The following TNS4 variants were observed in gnomAD, a reference collection of about 807,000 sequenced individuals.
The protein encoded by TNS4 is tensin-4.
TNS4 carries 46 observed loss-of-function variants against 70.4 expected under a neutral mutation model. The ratio of observed to expected loss-of-function variants is 0.65; its 90% CI spans 0.52 to 0.84. The LOEUF (loss-of-function observed/expected upper bound fraction) is 0.84. Ranked by LOEUF, TNS4 falls within the 40% of genes least tolerant of loss-of-function variation. TNS4 has a pLI of 0.00. For missense variants in TNS4, 863 were observed against 907.0 expected (o/e 0.95, Z 0.62); for synonymous variants, 390 against 366.6 (o/e 1.06, Z -0.73).
In TNS4 at chr17:40,482,433, G is replaced by A. The variant is rs373001993; in HGVS notation, c.1502-17C>T. On this transcript the variant is annotated splice_polypyrimidine_tract_variant and intron_variant, in intron 6 of 12. Coordinates refer to ENST00000254051, the MANE Select transcript of TNS4 (RefSeq NM_032865.6). ...TGTCCTCACCTGGACAGAGAAGAAA[G>A]AGTGCATTCGGATAGAATTCCACCT... 413 of 1,612,914 alleles carry A rather than the reference G, an allele frequency of 2.6e-4. No individual in the cohort carries two copies. Among genetic ancestry groups the A allele is most frequent in the Non-Finnish European group, 3.2e-4 (380 of 1,179,598 alleles).
intron 1 of TNS4, among the ~76,000 whole-genome samples, chr17:40,496,890 G>A (rs1167738058): frequency 2.6e-5 from 4 of 152,192 alleles, no homozygotes; most frequent in African/African-American, 7.2e-5. Flanking sequence ...CGTTTGCTGA[G>A]TAATTATTAT....
At chr17:40,496,588 AC>A in intron 1 of TNS4, 68 bp from the exon 2 acceptor site, 1 of 710,552 alleles carries the variant, frequency 1.4e-6, no homozygotes. Flanking sequence ...CACCCTCCGT[AC>A]AAAGGCTAAG....
At chr17:40,478,025 C>T (rs914294012) in intron 12 of TNS4, 1 of 600,228 alleles carries the variant, frequency 1.7e-6, no homozygotes, top group Non-Finnish European at 2.9e-6. Context: ...GGCAAGGATG[C>T]ATCTTGATCA....
At position 40,477,892 on chromosome 17, in the gene TNS4, G is replaced by A. The variant is rs894324839; in HGVS notation, c.2007-163C>T. ...CTTATGGTGGGGCTCCCTGGGGAAG[G>A]AGATGCCTCTCCCGTCAGACTGGGA... On this transcript the variant is annotated intron_variant, in intron 12 of 12. Transcript: ENST00000254051. The A allele has an allele frequency of 7.6e-6, 5 of 653,752 alleles. No individual in the cohort carries two copies. The African/African-American group carries it at 9.1e-5, about 12-fold the overall frequency. The allele number at this position is 653,752 out of a possible 1,614,324, so 40.5% of individuals were successfully genotyped here. A position where few individuals can be genotyped will look rare whatever the true frequency, so the allele number is the denominator to read the frequency against.
chr17:40,481,686 A>G (rs1348565117), intron 8 of TNS4, among the ~76,000 whole-genome samples: 5 of 152,234 alleles, frequency 3.3e-5, no homozygotes, highest in Non-Finnish European at 7.3e-5. Context: ...TATCTGTGAA[A>G]TGGGGATGAT....
chr17:40,492,244 C>T (rs1032673263), intron 2 of TNS4, among the ~76,000 whole-genome samples: 16 of 152,236 alleles, frequency 1.1e-4, no homozygotes, highest in African/African-American at 3.9e-4. Flanking sequence ...GAGGCCTGAC[C>T]TATCTCTCCC....
intron 9 of TNS4, 70 bp from the exon 10 acceptor site, chr17:40,479,912 G>T: frequency 6.7e-7 from 1 of 1,495,070 alleles, no homozygotes. Flanking sequence ...CCAGGGCCAG[G>T]GGAGGGGGTG....
At position 40,478,292 on chromosome 17, in the gene TNS4, A is replaced by G; in HGVS notation, c.2006+15T>C. The G allele has an allele frequency of 6.2e-7, 1 of 1,613,536 alleles. No individual in the cohort carries two copies. The highest frequency in any genetic ancestry group is 8.5e-7 in the Non-Finnish European group (1 of 1,179,818). On this transcript the variant is annotated intron_variant, in intron 12 of 12. Coordinates refer to ENST00000254051, the MANE Select transcript of TNS4 (RefSeq NM_032865.6). ...CCCATGTTGGGTTTGGGGCCCTGAG[A>G]CAGGAAGGCCTTACCAGGAGGGTTT... is the stretch of plus-strand genomic sequence containing the variant.
Position 40,496,006 on chromosome 17 carries a change from C to T in TNS4, c.420G>A (p.Lys140=). 3 of 1,611,530 alleles carry T rather than the reference C, an allele frequency of 1.9e-6. No homozygotes were observed. The highest frequency in any genetic ancestry group is 2.5e-6 in the Non-Finnish European group (3 of 1,179,128). Residue 140 remains lysine (K), a synonymous_variant, in exon 2 of 13, where the codon AAG becomes AAA. Coordinates refer to ENST00000254051, the MANE Select transcript of TNS4 (RefSeq NM_032865.6). ...LAQSTMSMRK[K]EESEALDIKY... is the part of the protein sequence containing the mutation. Reference sequence around the variant, plus strand: ...CCTTACCCAAGGCTTCAGATTCCTCCTTCTTTCTCATTGACATGGTGCTCT... The same window carrying T: ...CCTTACCCAAGGCTTCAGATTCCTCTTTCTTTCTCATTGACATGGTGCTCT...
In TNS4 at chr17:40,479,680, T is replaced by C. The variant is rs752649172; in HGVS notation, c.1904A>G (p.Gln635Arg). 3 of 1,613,336 alleles carry C rather than the reference T, an allele frequency of 1.9e-6. No homozygotes were observed. The African/African-American group carries it at 4.0e-5, about 22-fold the overall frequency. ...TEQGITLTDV[Q>R]RKVFFRRHYP... The stretch of plus-strand genomic sequence containing the variant: ...GGCAAGGGAAGGCCCTTACTTCCTC[T>C]GGACATCAGTCAGAGTGATGCCCTG... Residue 635 changes from glutamine to arginine, a missense_variant, in exon 10 of 13, where the codon CAG (glutamine) becomes CGG (arginine). Coordinates refer to ENST00000254051, the MANE Select transcript of TNS4 (RefSeq NM_032865.6).
At position 40,488,736 on chromosome 17, in the gene TNS4, G is replaced by T. The variant is rs769707974; in HGVS notation, c.673C>A (p.Pro225Thr). ...LPPSEGLSPRPPNSPSISIPC... is the reference protein window; with the variant it reads ...LPPSEGLSPRTPNSPSISIPC... Reference sequence around the variant, plus strand: ...ATTGAGATGCTGGGGGAATTTGGGGGTCGAGGGGAGAGACCCTCTGAGGGG... The same window carrying T: ...ATTGAGATGCTGGGGGAATTTGGGGTTCGAGGGGAGAGACCCTCTGAGGGG... The change falls in exon 3 of 13, where the codon CCC (proline) becomes ACC (threonine). Residue 225 changes from proline (P) to threonine (T), a missense_variant. Physicochemically the swap from Pro to Thr is conservative, Grantham distance 38 (BLOSUM62 -1). Coordinates refer to ENST00000254051, the MANE Select transcript of TNS4 (RefSeq NM_032865.6). 1.3e-6 allele frequency: 2 copies of T among 1,595,588 alleles called. No homozygotes were observed. The highest frequency in any genetic ancestry group is 1.7e-6 in the Non-Finnish European group (2 of 1,171,750).
rs2036144772 is a variant in TNS4 at position 40,496,342 on chromosome 17, C to T, written c.84G>A (p.Leu28=). The change falls in exon 2 of 13, where the codon CTG becomes CTA. Residue 28 remains leucine (L), a synonymous_variant. Coordinates refer to ENST00000254051, the MANE Select transcript of TNS4 (RefSeq NM_032865.6). ...LAPCDEPRRT[L]HPAPSPSLPP... ...GCAGGCTGGGGCTGGGTGCTGGGTG[C>T]AGGGTCCTCCTGGGCTCATCACAAG... 4 of 1,613,536 alleles carry T rather than the reference C, an allele frequency of 2.5e-6. No homozygotes were observed. In the East Asian group the frequency reaches 6.7e-5, roughly 27 times the overall value.
chr17:40,495,875 C>G, intron 2 of TNS4, 112 bp downstream of exon 2: 2 of 1,236,986 alleles, frequency 1.6e-6, no homozygotes, highest in Non-Finnish European at 2.2e-6. Flanking sequence ...GTTAGGTTTG[C>G]ACAGCACCTC....
Position 40,479,665 on chromosome 17 carries a change from G to T in TNS4, c.1910+9C>A. On this transcript the variant is annotated intron_variant, in intron 10 of 12. Transcript: ENST00000254051. Reference sequence around the variant, plus strand: ...GCCCCGGAGCCCCAGGGCAAGGGAAGGCCCTTACTTCCTCTGGACATCAGT... The same window carrying T: ...GCCCCGGAGCCCCAGGGCAAGGGAATGCCCTTACTTCCTCTGGACATCAGT... 1 of 1,611,386 alleles carries T rather than the reference G, an allele frequency of 6.2e-7. No individual in the cohort carries two copies. Among genetic ancestry groups the T allele is most frequent in the South Asian group, 1.1e-5 (1 of 90,906 alleles).
At chr17:40,494,285 G>A (rs1382726444) in intron 2 of TNS4, among the ~76,000 whole-genome samples, 1 of 152,236 alleles carries the variant, frequency 6.6e-6, no homozygotes, top group African/African-American at 2.4e-5. Flanking sequence ...TTTGAGGTAA[G>A]AACTCTCATT....
chr17:40,498,921 C>T (rs532493690), intron 1 of TNS4, among the ~76,000 whole-genome samples: 7 of 152,268 alleles, frequency 4.6e-5, no homozygotes, highest in South Asian at 2.1e-4. Flanking sequence ...TCAAGAAACA[C>T]GCTTCACATC....
rs71371426 is a variant in TNS4 at position 40,477,932 on chromosome 17, A to G, written c.2007-203T>C. The G allele has an allele frequency of 3.0e-3, 1,843 of 612,548 alleles. 21 individuals carry two copies. In the African/African-American group the frequency reaches 0.03, roughly 10 times the overall value. The allele number at this position is 612,548 out of a possible 1,614,324, so 37.9% of individuals were successfully genotyped here. A position where few individuals can be genotyped will look rare whatever the true frequency, so the allele number is the denominator to read the frequency against. On this transcript the variant is annotated intron_variant, in intron 12 of 12. Transcript: ENST00000254051. ...TCAGACTGGGAGATTTCTGAGTTCA[A>G]GCTCTGGGTTTCCTTTGTTTTGAGT...
At position 40,489,796 on chromosome 17, in the gene TNS4, C is replaced by CAAAAAAA. The variant is rs11463268; in HGVS notation, c.440-834_440-828dup. Among the ~76,000 whole-genome samples, 139 of 105,566 alleles carry CAAAAAAA rather than the reference C, an allele frequency of 1.3e-3. 1 individual carries two copies. Among genetic ancestry groups the CAAAAAAA allele is most frequent in the Middle Eastern group, 5.7e-3 (1 of 174 alleles). The allele number at this position is 105,566 out of a possible 152,430, so 69.3% of individuals were successfully genotyped here. On this transcript the variant is annotated intron_variant, in intron 2 of 12. Coordinates refer to ENST00000254051, the MANE Select transcript of TNS4 (RefSeq NM_032865.6). Reference sequence around the variant, plus strand: ...AGTGACAAGAGTGAAGCCCCATCTCCAAAAAAAAAAAAAAAAAGGAAGTGG... The same window carrying CAAAAAAA: ...AGTGACAAGAGTGAAGCCCCATCTCCAAAAAAAAAAAAAAAAAAAAAAAAGGAAGTGG...
intron 10 of TNS4, 44 bp from the exon 11 acceptor site, chr17:40,478,692 C>T (rs1198820815): frequency 3.8e-6 from 6 of 1,593,340 alleles, no homozygotes; most frequent in Non-Finnish European, 5.2e-6. Context: ...ACAGCCTGTC[C>T]CAGTGTCATC....
Sources: gnomAD v4.1 joint callset for allele counts (sites outside exome capture counted in the v4.1 genomes callset) on GRCh38, gnomAD v4.1.1 for gene constraint, MANE v1.5 for transcripts, NCBI Gene and HGNC (gene_info 2026-07-23, HGNC 2026-07-21) for gene names.